Variants in CLEC4D observed in about 807,000 individuals in gnomAD.
CLEC4D encodes the protein C-type (calcium dependent, carbohydrate-recognition domain) lectin, superfamily member 8.
Under a neutral mutation model 21.1 loss-of-function variants are expected in CLEC4D, and 21 were observed. That is an observed-to-expected ratio of 1.00 (90% CI 0.71 to 1.43). CLEC4D has a LOEUF of 1.43. CLEC4D is among the 40% of genes most tolerant of loss of function. The pLI is 0.00. For synonymous variants in CLEC4D, 85 were observed against 83.1 expected (o/e 1.02, Z -0.12); for missense variants, 289 against 260.7 (o/e 1.11, Z -0.75).
downstream of CLEC4D, among the ~76,000 whole-genome samples, chr12:8,522,697 A>G (rs779074244): frequency 1.2e-4 from 18 of 152,066 alleles, no homozygotes; most frequent in Non-Finnish European, 5.9e-5. Flanking sequence ...TATAGTTAAT[A>G]TTATCCATTT....
downstream of CLEC4D, among the ~76,000 whole-genome samples, chr12:8,526,869 T>C (rs965138001): frequency 2.0e-5 from 3 of 152,140 alleles, no homozygotes; most frequent in African/African-American, 7.2e-5. Flanking sequence ...GATGGGGCTT[T>C]TGTGGGGGCC....
In CLEC4D at chr12:8,518,218, A is replaced by C; in HGVS notation, c.176A>C (p.Glu59Ala). 6.9e-7 allele frequency: 1 copy of C among 1,447,536 alleles called. No individual in the cohort carries two copies. Among genetic ancestry groups the C allele is most frequent in the South Asian group, 1.1e-5 (1 of 87,404 alleles). The allele number at this position is 1,447,536 out of a possible 1,614,324, so 89.7% of individuals were successfully genotyped here. Reference sequence around the variant, plus strand: ...AGAGGCACAGGAGTGCACAAGTTAGAGCACCATGCAAAGCTCAAATGCATC... The same window carrying C: ...AGAGGCACAGGAGTGCACAAGTTAGCGCACCATGCAAAGCTCAAATGCATC... Reference protein sequence around the residue: ...CKRGTGVHKLEHHAKLKCIKE... With the variant: ...CKRGTGVHKLAHHAKLKCIKE... The change falls in exon 3 of 6, where the codon GAG becomes GCG. Residue 59 changes from glutamate to alanine, a missense_variant. Transcript: ENST00000299665.
chr12:8,521,729 T>G lies in CLEC4D; in HGVS notation c.*458T>G, dbSNP rs1029693322. The G allele has an allele frequency of 6.5e-6, 1 of 153,522 alleles. No homozygotes were observed. The highest frequency in any genetic ancestry group is 2.4e-5 in the African/African-American group (1 of 41,446). The allele number at this position is 153,522 out of a possible 1,614,324, so 9.5% of individuals were successfully genotyped here. A position where few individuals can be genotyped will look rare whatever the true frequency, so the allele number is the denominator to read the frequency against. ...TAAAGATTTGAAACCACATTTTTAT[T>G]GTTTGATGTTTCATTTTCAGACTTT... is the stretch of plus-strand genomic sequence containing the variant. On this transcript the variant is annotated 3_prime_UTR_variant, in exon 6 of 6. Transcript: ENST00000299665.
the CLEC4D span, among the ~76,000 whole-genome samples, chr12:8,531,075 C>G: frequency 1.3e-5 from 2 of 152,160 alleles, no homozygotes; most frequent in Non-Finnish European, 2.9e-5. Context: ...CTCAACCACC[C>G]CCACGTATGG....
downstream of CLEC4D, among the ~76,000 whole-genome samples, chr12:8,524,473 C>A (rs1940492307): frequency 6.6e-6 from 1 of 152,024 alleles, no homozygotes. Context: ...TGTAGATTTT[C>A]TAGTTTATTT....
chr12:8,519,847 A>T (rs1002937783), intron 4 of CLEC4D, among the ~76,000 whole-genome samples: 5 of 152,204 alleles, frequency 3.3e-5, no homozygotes, highest in Non-Finnish European at 5.9e-5. Context: ...TAGGTTTACA[A>T]TGTATAGGTT....
chr12:8,529,596 C>T, the CLEC4D span, among the ~76,000 whole-genome samples: 3 of 151,942 alleles, frequency 2.0e-5, no homozygotes, highest in South Asian at 2.1e-4. Context: ...GGCCTGGGGA[C>T]GGAGTGAGAT....
In CLEC4D at chr12:8,518,249, G is replaced by C; in HGVS notation, c.207G>C (p.Glu69Asp). 7.6e-7 allele frequency: 1 copy of C among 1,313,964 alleles called. No homozygotes were observed. The highest frequency in any genetic ancestry group is 1.1e-6 in the Non-Finnish European group (1 of 907,160). 81.4% of individuals were successfully genotyped at this position (1,313,964 alleles called of 1,614,324 possible). A position where few individuals can be genotyped will look rare whatever the true frequency, so the allele number is the denominator to read the frequency against. Residue 69 changes from glutamate to aspartate, a missense_variant, in exon 3 of 6, where the codon GAG becomes GAC. Glu to Asp is a conservative substitution (Grantham distance 45). Transcript: ENST00000299665. ...ATGCAAAGCTCAAATGCATCAAAGA[G>C]AAATCAGAACTGAAAAGTGCTGAAG... ...EHHAKLKCIK[E>D]KSELKSAEGS...
chr12:8,515,053 T>C (rs1220054118), intron 1 of CLEC4D, among the ~76,000 whole-genome samples, 183 bp from the exon 2 acceptor site: 2 of 152,150 alleles, frequency 1.3e-5, no homozygotes, highest in Non-Finnish European at 2.9e-5. Context: ...TTTACATTTT[T>C]CTTTCTTATT....
chr12:8,529,647 T>C, the CLEC4D span, among the ~76,000 whole-genome samples: 2 of 152,066 alleles, frequency 1.3e-5, no homozygotes, highest in Non-Finnish European at 2.9e-5. Flanking sequence ...ATTAACTCCA[T>C]AAAAAGCAAA....
chr12:8,522,911 A>G (rs1397929321), downstream of CLEC4D, among the ~76,000 whole-genome samples: 1 of 152,224 alleles, frequency 6.6e-6, no homozygotes, highest in Non-Finnish European at 1.5e-5. Flanking sequence ...AGTTTTCTGC[A>G]TATGGCTAGC....
the CLEC4D span, among the ~76,000 whole-genome samples, chr12:8,530,492 T>A: frequency 6.8e-6 from 1 of 147,570 alleles, no homozygotes; most frequent in African/African-American, 2.5e-5. Flanking sequence ...AGAAGTGAAA[T>A]TAATTCTAAT....
chr12:8,515,359 T>G, intron 2 of CLEC4D, 31 bp downstream of exon 2: 1 of 979,546 alleles, frequency 1.0e-6, no homozygotes, highest in Non-Finnish European at 1.7e-6. Flanking sequence ...GAACTCTTCT[T>G]GAATTATTAT....
downstream of CLEC4D, among the ~76,000 whole-genome samples, chr12:8,526,416 C>A (rs538516391): frequency 6.2e-4 from 94 of 152,162 alleles, no homozygotes; most frequent in Admixed American, 2.5e-3. Context: ...TTCTTGTCTG[C>A]ATGTCTTATT....
At chr12:8,514,788 A>C (rs773036306) in intron 1 of CLEC4D, among the ~76,000 whole-genome samples, 2 of 152,146 alleles carry the variant, frequency 1.3e-5, no homozygotes, top group African/African-American at 2.4e-5. Context: ...GCTATTTATA[A>C]CTTCAGCAAA....
In CLEC4D at chr12:8,518,187, T is replaced by G; in HGVS notation, c.145T>G (p.Cys49Gly). ...CLVTHHNFSR[C>G]KRGTGVHKLE... ...AGTGACTCATCACAACTTTTCACGC[T>G]GTAAGAGAGGCACAGGAGTGCACAA... The change falls in exon 3 of 6, where the codon TGT becomes GGT. Residue 49 changes from cysteine to glycine, a missense_variant. Physicochemically the swap from Cys to Gly is radical, Grantham distance 159. Transcript: ENST00000299665. 1.5e-6 allele frequency: 2 copies of G among 1,352,012 alleles called. No homozygotes were observed. The highest frequency in any genetic ancestry group is 2.1e-6 in the Non-Finnish European group (2 of 941,238). 83.8% of individuals were successfully genotyped at this position (1,352,012 alleles called of 1,614,324 possible). A position where few individuals can be genotyped will look rare whatever the true frequency, so the allele number is the denominator to read the frequency against.
In CLEC4D at chr12:8,515,291, C is replaced by G. The variant is rs1252791788; in HGVS notation, c.84C>G (p.Ile28Met). Residue 28 changes from isoleucine to methionine, a missense_variant, in exon 2 of 6, where the codon ATC (isoleucine) becomes ATG (methionine). Ile to Met is a conservative substitution (Grantham distance 10). Coordinates refer to ENST00000299665, the MANE Select transcript of CLEC4D (RefSeq NM_080387.5). ...LIPSVIAVVF[I>M]LLLSVCFIAS... ...CTTCGGTTATTGCTGTAGTTTTCATCTTACTTCTCAGTGTCTGTTTTATTG... is the reference window on the plus strand; with the variant it reads ...CTTCGGTTATTGCTGTAGTTTTCATGTTACTTCTCAGTGTCTGTTTTATTG... 1 of 1,523,292 alleles carries G rather than the reference C, an allele frequency of 6.6e-7. No individual in the cohort carries two copies. The highest frequency in any genetic ancestry group is 9.1e-7 in the Non-Finnish European group (1 of 1,097,626). The allele number at this position is 1,523,292 out of a possible 1,614,324, so 94.4% of individuals were successfully genotyped here. A position where few individuals can be genotyped will look rare whatever the true frequency, so the allele number is the denominator to read the frequency against.
the CLEC4D span, among the ~76,000 whole-genome samples, chr12:8,528,488 G>T: frequency 6.6e-6 from 1 of 152,124 alleles, no homozygotes; most frequent in Admixed American, 6.5e-5. Flanking sequence ...AGCAGAAAAT[G>T]AACTAATACA....
chr12:8,513,946 T>G (rs1940342089), intron 1 of CLEC4D, among the ~76,000 whole-genome samples, 186 bp downstream of exon 1: 1 of 152,046 alleles, frequency 6.6e-6, no homozygotes, highest in South Asian at 2.1e-4. Flanking sequence ...CAGAAACTTC[T>G]TTATAAAATG....
Sources: allele counts gnomAD v4.1 joint callset (sites outside exome capture counted in the v4.1 genomes callset), GRCh38; gene constraint gnomAD v4.1.1; transcripts MANE v1.5; gene names NCBI Gene and HGNC (gene_info 2026-07-23, HGNC 2026-07-21).